RASGRP4: variants seen among roughly 807,000 people sequenced by gnomAD.
RASGRP4 encodes the protein RAS guanyl releasing protein 4, also known as RAS guanyl-releasing protein 4.
A neutral mutation model predicts 84.4 loss-of-function variants in RASGRP4; 52 were observed. The observed-to-expected ratio is 0.62, with a 90% confidence interval of 0.49 to 0.78. The LOEUF is 0.78. Ranked by LOEUF, RASGRP4 falls within the 30% of genes least tolerant of loss-of-function variation. The probability of loss-of-function intolerance (pLI) is 0.00; values close to 1 mark genes in which losing one functional copy is unlikely to be tolerated. For synonymous variants in RASGRP4, 356 were observed against 359.1 expected, an observed-to-expected ratio of 0.99 and a Z score of 0.10; for missense variants, 760 against 886.9, an observed-to-expected ratio of 0.86 and a Z score of 1.82.
At chr19:38,423,768 C>T (rs1053605386) in intron 1 of RASGRP4, among the ~76,000 whole-genome samples, 4 of 151,978 alleles carry the variant, frequency 2.6e-5, no homozygotes, top group Admixed American at 2.0e-4. Flanking sequence ...ACCCAGGAGG[C>T]GGAGGTTGCA....
chr19:38,425,953 C>T (rs1438093443), intron 1 of RASGRP4, 116 bp downstream of exon 1: 4 of 858,100 alleles, frequency 4.7e-6, no homozygotes, highest in Non-Finnish European at 6.4e-6. Context: ...GGCCCCCCTG[C>T]GCCTGATCCC....
At chr19:38,414,778 C>T (rs1971424782) in intron 9 of RASGRP4, 70 bp downstream of exon 9, 1 of 1,439,202 alleles carries the variant, frequency 6.9e-7, no homozygotes. Context: ...CCTGGAGACA[C>T]TCACACACCC....
intron 8 of RASGRP4, among the ~76,000 whole-genome samples, chr19:38,415,686 A>T (rs1166681839): frequency 1.3e-5 from 2 of 151,352 alleles, no homozygotes; most frequent in African/African-American, 4.9e-5. Context: ...TTATTTATTT[A>T]TTTTTTAGGC....
chr19:38,418,693 C>G lies in RASGRP4; in HGVS notation c.664-129G>C. 1.1e-6 allele frequency: 1 copy of G among 899,248 alleles called. No homozygotes were observed. Among genetic ancestry groups the G allele is most frequent in the South Asian group, 1.8e-5 (1 of 55,130 alleles). The allele number at this position is 899,248 out of a possible 1,614,324, so 55.7% of individuals were successfully genotyped here. ...CCGGAGTGACCTTTGTCATCTGTCC[C>G]CCAACCCTCAGGCTGCTACATGTCC... On this transcript the variant is annotated intron_variant, in intron 6 of 16. Coordinates refer to ENST00000615439, the MANE Select transcript of RASGRP4 (RefSeq NM_170604.3). This position sits in a 1 kb window ranked among gnomAD's most constrained non-coding sequence, Gnocchi z 4.6.
chr19:38,416,409 G>A (rs1387658212), intron 8 of RASGRP4, among the ~76,000 whole-genome samples: 1 of 145,812 alleles, frequency 6.9e-6, no homozygotes, highest in Non-Finnish European at 1.5e-5. Context: ...GTTGCAGTGA[G>A]CCGAGATTGC....
At chr19:38,419,352 T>C (rs181452265) in intron 6 of RASGRP4, among the ~76,000 whole-genome samples, 20 of 152,348 alleles carry the variant, frequency 1.3e-4, no homozygotes, top group Admixed American at 1.0e-3. Context: ...TAAATGCTTG[T>C]TGAATAAATG....
intron 13 of RASGRP4, 164 bp from the exon 14 acceptor site, chr19:38,411,545 A>G (rs997082438): frequency 1.4e-6 from 1 of 706,646 alleles, no homozygotes; most frequent in Non-Finnish European, 2.3e-6. Flanking sequence ...ACAGTGGCTC[A>G]TGCCAGTAAT....
Position 38,417,942 on chromosome 19 carries a change from AG to A in RASGRP4, c.837+448del, listed in dbSNP as rs1971568659. ...AAGGGCGAGAAGGTGTCCGGAAAGG[AG>A]GGGGAAGGGAGGGGAAGAGAAGGGC... On this transcript the variant is annotated intron_variant, in intron 7 of 16. Transcript: ENST00000615439. This position sits in a 1 kb window ranked among gnomAD's most constrained non-coding sequence, Gnocchi z 5.1. 1.0e-5 allele frequency among the ~76,000 whole-genome samples: 1 copy of A among 99,930 alleles called. No individual in the cohort carries two copies. Among genetic ancestry groups the A allele is most frequent in the South Asian group, 3.2e-4 (1 of 3,080 alleles). 65.6% of individuals were successfully genotyped at this position (99,930 alleles called of 152,430 possible).
At chr19:38,415,152 G>A (rs12462583) in intron 8 of RASGRP4, 29 bp from the exon 9 acceptor site, 124,531 of 1,554,590 alleles carry the variant, frequency 0.08, 7,914 homozygotes, top group African/African-American at 0.31. Flanking sequence ...GGATTGGGGC[G>A]TTATCAGGAC....
chr19:38,419,643 A>T (rs749025082), intron 6 of RASGRP4, among the ~76,000 whole-genome samples: 4 of 152,214 alleles, frequency 2.6e-5, no homozygotes, highest in Non-Finnish European at 4.4e-5. Flanking sequence ...CATGTTGGCC[A>T]GGCTGGTCTC....
intron 1 of RASGRP4, among the ~76,000 whole-genome samples, chr19:38,425,527 G>A (rs899800489): frequency 4.6e-5 from 7 of 152,286 alleles, no homozygotes; most frequent in Admixed American, 3.9e-4. Context: ...CCAGGCTAGG[G>A]AGCCACCCAC....
chr19:38,409,958 T>C lies in RASGRP4; in HGVS notation c.*82A>G. ...GCGGATGCCTCTGGAGGCCTACCTC[T>C]GGGAGCCCTGCCAGAGTCTGACGGC... On this transcript the variant is annotated 3_prime_UTR_variant, in exon 17 of 17. Coordinates refer to ENST00000615439, the MANE Select transcript of RASGRP4 (RefSeq NM_170604.3). 1 of 1,148,924 alleles carries C rather than the reference T, an allele frequency of 8.7e-7. No homozygotes were observed. Among genetic ancestry groups the C allele is most frequent in the South Asian group, 1.4e-5 (1 of 69,936 alleles). 71.2% of individuals were successfully genotyped at this position (1,148,924 alleles called of 1,614,324 possible).
At chr19:38,414,798 T>C (rs780002375) in intron 9 of RASGRP4, 50 bp downstream of exon 9, 59 of 1,520,306 alleles carry the variant, frequency 3.9e-5, no homozygotes, top group Admixed American at 2.0e-5. Flanking sequence ...CAGGACCCTA[T>C]ATCTCAGTAC....
intron 8 of RASGRP4, among the ~76,000 whole-genome samples, chr19:38,416,411 C>T (rs979269112): frequency 1.1e-4 from 16 of 141,464 alleles, no homozygotes; most frequent in African/African-American, 4.0e-4. Flanking sequence ...TGCAGTGAGC[C>T]GAGATTGCAC....
In RASGRP4 at chr19:38,418,442, G is replaced by T; in HGVS notation, c.786C>A (p.Pro262=). The part of the protein sequence containing the change: ...RWVQVMVLSR[P]GPLQRAQVLD... ...GCACCTGTGCACGCTGTAGGGGCCCGGGACGGCTCAGCACCATCACCTGCA... is the reference window on the plus strand; with the variant it reads ...GCACCTGTGCACGCTGTAGGGGCCCTGGACGGCTCAGCACCATCACCTGCA... The change falls in exon 7 of 17, where the codon CCC becomes CCA. Residue 262 remains proline (P), a synonymous_variant. Coordinates refer to ENST00000615439, the MANE Select transcript of RASGRP4 (RefSeq NM_170604.3). This position sits in a 1 kb window ranked among gnomAD's most constrained non-coding sequence, Gnocchi z 4.6. 4 of 1,603,244 alleles carry T rather than the reference G, an allele frequency of 2.5e-6. No homozygotes were observed. The highest frequency in any genetic ancestry group is 2.3e-5 in the East Asian group (1 of 44,422).
Position 38,426,211 on chromosome 19 carries a change from A to G in RASGRP4, c.-120T>C. ...GCTGGGGCCTCCTCGGTGCTTGGGA[A>G]GGAAAGAGGAACTGCCCCTCCCCAC... On this transcript the variant is annotated 5_prime_UTR_variant, in exon 1 of 17. Coordinates refer to ENST00000615439, the MANE Select transcript of RASGRP4 (RefSeq NM_170604.3). 4 of 809,200 alleles carry G rather than the reference A, an allele frequency of 4.9e-6. No individual in the cohort carries two copies. Among genetic ancestry groups the G allele is most frequent in the Non-Finnish European group, 6.7e-6 (4 of 596,242 alleles). The allele number at this position is 809,200 out of a possible 1,614,324, so 50.1% of individuals were successfully genotyped here.
chr19:38,419,651 C>A lies in RASGRP4; in HGVS notation c.663+209G>T, dbSNP rs370677509. Reference sequence around the variant, plus strand: ...GTTTCACCATGTTGGCCAGGCTGGTCTCAAACTCCTGACCTCAGGCGATCT... The same window carrying A: ...GTTTCACCATGTTGGCCAGGCTGGTATCAAACTCCTGACCTCAGGCGATCT... On this transcript the variant is annotated intron_variant, in intron 6 of 16. Coordinates refer to ENST00000615439, the MANE Select transcript of RASGRP4 (RefSeq NM_170604.3). Among the ~76,000 whole-genome samples, 7 of 152,320 alleles carry A rather than the reference C, an allele frequency of 4.6e-5. No individual in the cohort carries two copies. The East Asian group carries it at 1.2e-3, about 25-fold the overall frequency.
chr19:38,419,969 G>A lies in RASGRP4; in HGVS notation c.554C>T (p.Pro185Leu). ...GPGPPLPMSSPGLGKKRKVSL... is the reference protein window; with the variant it reads ...GPGPPLPMSSLGLGKKRKVSL... ...CACTTTGCGCTTTTTGCCCAGGCCTGGGCTGCTCATTGGGAGTGGGGGGCC... is the reference window on the plus strand; with the variant it reads ...CACTTTGCGCTTTTTGCCCAGGCCTAGGCTGCTCATTGGGAGTGGGGGGCC... Residue 185 changes from proline (P) to leucine (L), a missense_variant, in exon 6 of 17, where the codon CCA becomes CTA. Physicochemically the swap from Pro to Leu is moderately conservative, Grantham distance 98. Transcript: ENST00000615439. 1.2e-6 allele frequency: 2 copies of A among 1,614,000 alleles called. No individual in the cohort carries two copies. Among genetic ancestry groups the A allele is most frequent in the Non-Finnish European group, 8.5e-7 (1 of 1,179,870 alleles).
At position 38,417,154 on chromosome 19, in the gene RASGRP4, C is replaced by T; in HGVS notation, c.852G>A (p.Leu284=). The T allele has an allele frequency of 2.6e-6, 4 of 1,557,996 alleles. No individual in the cohort carries two copies. Among genetic ancestry groups the T allele is most frequent in the Non-Finnish European group, 2.6e-6 (3 of 1,150,456 alleles). The change falls in exon 8 of 17, where the codon CTG becomes CTA. Residue 284 remains leucine (L), a synonymous_variant. Coordinates refer to ENST00000615439, the MANE Select transcript of RASGRP4 (RefSeq NM_170604.3). This position sits in a 1 kb window ranked among gnomAD's most constrained non-coding sequence, Gnocchi z 5.1. ...FIHVAQRLHQ[L]QNFNTLMAVT... Reference sequence around the variant, plus strand: ...CTGCCATCAGCGTGTTGAAATTCTGCAGCTGGTGGAGCCTCTAGGAAGAGA... The same window carrying T: ...CTGCCATCAGCGTGTTGAAATTCTGTAGCTGGTGGAGCCTCTAGGAAGAGA...
Sources: gnomAD v4.1 joint callset for allele counts (sites outside exome capture counted in the v4.1 genomes callset) on GRCh38, gnomAD v4.1.1 for gene constraint, Gnocchi (gnomAD v3.1) non-coding constraint, MANE v1.5 for transcripts, NCBI Gene and HGNC (gene_info 2026-07-23, HGNC 2026-07-21) for gene names.